Variants in SLC37A1 observed in about 807,000 individuals in gnomAD.
SLC37A1 encodes the protein solute carrier family 37 member 1, also known as glucose-6-phosphate exchanger SLC37A1.
A neutral mutation model predicts 75.3 loss-of-function variants in SLC37A1; 49 were observed. The ratio of observed to expected loss-of-function variants is 0.65; its 90% CI spans 0.52 to 0.83. SLC37A1 has a LOEUF of 0.83. Ranked by LOEUF, SLC37A1 falls within the 40% of genes least tolerant of loss-of-function variation. The probability of loss-of-function intolerance (pLI) is 0.00; values close to 1 mark genes in which losing one functional copy is unlikely to be tolerated. For missense variants in SLC37A1, 566 were observed against 695.0 expected, an observed-to-expected ratio of 0.81 and a Z score of 2.09; for synonymous variants, 268 against 292.1, an observed-to-expected ratio of 0.92 and a Z score of 0.84.
rs150486059 is a variant in SLC37A1, at chr21:42,548,838, C to T, written c.768+1698C>T. ...TCGGGCCTGGATCATCACTGGGTCC[C>T]GGCACCTGGGGCAGCACCTGGCCTC... On this transcript the variant is annotated intron_variant, in intron 9 of 19. Transcript: ENST00000352133. The surrounding 1 kb of genome is among the most constrained non-coding windows in gnomAD (Gnocchi z 5.6). Among the ~76,000 whole-genome samples, 9 of 152,286 alleles carry T rather than the reference C, an allele frequency of 5.9e-5. No homozygotes were observed. Among genetic ancestry groups the T allele is most frequent in the Non-Finnish European group, 1.2e-4 (8 of 68,032 alleles).
intron 11 of SLC37A1, among the ~76,000 whole-genome samples, chr21:42,559,524 C>T (rs2055773469): frequency 6.6e-6 from 1 of 152,238 alleles, no homozygotes; most frequent in African/African-American, 2.4e-5. Flanking sequence ...ATGGGAGGCG[C>T]TGGCACTGAG....
upstream of SLC37A1, among the ~76,000 whole-genome samples, chr21:42,513,088 A>G (rs1294141714): frequency 2.0e-5 from 3 of 152,152 alleles, no homozygotes; most frequent in East Asian, 5.8e-4. Flanking sequence ...CTCTTCCCCG[A>G]GGAGTGGGCT....
At chr21:42,572,695 T>TAAAAAAAAAAAAAAAA (rs1421400961) in intron 17 of SLC37A1, among the ~76,000 whole-genome samples, 11 of 132,326 alleles carry the variant, frequency 8.3e-5, no homozygotes, top group Non-Finnish European at 1.6e-4. Flanking sequence ...AAAAAAAGAG[T>TAAAAAAAAAAAAAAAA]GTGTCCTGAG....
chr21:42,575,335 A>G, intron 18 of SLC37A1: 2 of 985,498 alleles, frequency 2.0e-6, no homozygotes, highest in Non-Finnish European at 2.4e-6. Context: ...CCCAGTGGTC[A>G]TCAGTGTCCT....
At chr21:42,525,143 C>T (rs1216464342) in intron 2 of SLC37A1, among the ~76,000 whole-genome samples, 1 of 152,224 alleles carries the variant, frequency 6.6e-6, no homozygotes, top group African/African-American at 2.4e-5. Flanking sequence ...GCTCCGAGCT[C>T]CCTGCCCCAT....
intron 5 of SLC37A1, among the ~76,000 whole-genome samples, 153 bp downstream of exon 5, chr21:42,535,703 AGCTTAGG>A (rs2055120614): frequency 6.6e-6 from 1 of 152,190 alleles, no homozygotes; most frequent in South Asian, 2.1e-4. Context: ...GACGAGGCCA[AGCTTAGG>A]AGAGAGCAAG....
intron 19 of SLC37A1, 47 bp downstream of exon 19, chr21:42,579,847 A>T: frequency 6.3e-7 from 1 of 1,592,786 alleles, no homozygotes; most frequent in Non-Finnish European, 8.6e-7. Flanking sequence ...GCCGGCTCCA[A>T]AGTGCCTTCT....
At chr21:42,523,142 C>G (rs943872735) in intron 2 of SLC37A1, among the ~76,000 whole-genome samples, 1 of 152,240 alleles carries the variant, frequency 6.6e-6, no homozygotes, top group Non-Finnish European at 1.5e-5. Flanking sequence ...TCCTTCCTAG[C>G]TGGGTGATAA....
chr21:42,555,927 G>A (rs116553020), intron 10 of SLC37A1, among the ~76,000 whole-genome samples: 2,887 of 152,332 alleles, frequency 0.019, 95 homozygotes, highest in African/African-American at 0.066. Context: ...CTTGGGTCAG[G>A]GTAGGCGGGG....
intron 2 of SLC37A1, among the ~76,000 whole-genome samples, chr21:42,521,351 A>G (rs2146727940): frequency 6.6e-6 from 1 of 152,352 alleles, no homozygotes; most frequent in Middle Eastern, 3.4e-3. Context: ...AAAATAAAAA[A>G]GGATTTTGGG....
At chr21:42,501,151 A>G (rs1364698570) in intron 1 of SLC37A1, among the ~76,000 whole-genome samples, 1 of 152,252 alleles carries the variant, frequency 6.6e-6, no homozygotes, top group Non-Finnish European at 1.5e-5. Context: ...ACACAGGTTT[A>G]TCAAATTAAA....
At chr21:42,516,445 G>A (rs756731605) in intron 1 of SLC37A1, among the ~76,000 whole-genome samples, 1 of 152,176 alleles carries the variant, frequency 6.6e-6, no homozygotes, top group African/African-American at 2.4e-5. Context: ...GTCATGGTTC[G>A]TGCTTCCAGA....
chr21:42,529,906 C>T (rs1044408862), intron 3 of SLC37A1, among the ~76,000 whole-genome samples: 2 of 152,138 alleles, frequency 1.3e-5, no homozygotes, highest in Non-Finnish European at 2.9e-5. Context: ...CTTTTGGTGA[C>T]ACCCAGTGAA....
rs2054474055 is a variant in SLC37A1, at chr21:42,514,024, C to A, written c.-872C>A. The A allele has an allele frequency of 6.7e-6, 1 of 148,960 alleles. No individual in the cohort carries two copies. The highest frequency in any genetic ancestry group is 1.5e-5 in the Non-Finnish European group (1 of 66,990). The allele number at this position is 148,960 out of a possible 1,614,324, so 9.2% of individuals were successfully genotyped here. A position where few individuals can be genotyped will look rare whatever the true frequency, so the allele number is the denominator to read the frequency against. On this transcript the variant is annotated 5_prime_UTR_variant, in exon 1 of 20. Coordinates refer to ENST00000352133, the MANE Select transcript of SLC37A1 (RefSeq NM_001320537.2). This position sits in a 1 kb window ranked among gnomAD's most constrained non-coding sequence, Gnocchi z 4.8. The stretch of plus-strand genomic sequence containing the variant: ...GCGCTCAGGCGCCGCAGCCGCTCAG[C>A]ACCTGCGGCGCCCTCAGGGAGCCGG...
chr21:42,544,929 A>G (rs907640510), intron 8 of SLC37A1, among the ~76,000 whole-genome samples: 3 of 152,098 alleles, frequency 2.0e-5, no homozygotes, highest in Non-Finnish European at 1.5e-5. Context: ...GGTAGAGTCC[A>G]TGGGGTCTTC....
chr21:42,568,320 CT>C (rs751520369), intron 16 of SLC37A1, 39 bp from the exon 17 acceptor site: 2 of 1,527,798 alleles, frequency 1.3e-6, no homozygotes, highest in Non-Finnish European at 1.8e-6. Flanking sequence ...ACTTCTCATG[CT>C]GTGGCGATAA....
At chr21:42,560,109 A>G (rs1161092271) in intron 11 of SLC37A1, among the ~76,000 whole-genome samples, 1 of 152,156 alleles carries the variant, frequency 6.6e-6, no homozygotes, top group Non-Finnish European at 1.5e-5. Context: ...AGTATCGGGA[A>G]CAAGGTGACT....
intron 2 of SLC37A1, among the ~76,000 whole-genome samples, chr21:42,523,289 T>C (rs539486039): frequency 1.3e-5 from 2 of 152,154 alleles, no homozygotes; most frequent in African/African-American, 4.8e-5. Context: ...TTGAGGAGAT[T>C]GGAGAAGGAA....
At chr21:42,569,746 G>A (rs1157352927) in intron 17 of SLC37A1, among the ~76,000 whole-genome samples, 5 of 152,224 alleles carry the variant, frequency 3.3e-5, no homozygotes, top group African/African-American at 1.2e-4. Flanking sequence ...TCTGTCTCCT[G>A]CCACTGGAAC....
Sources: allele counts gnomAD v4.1 joint callset (sites outside exome capture counted in the v4.1 genomes callset), GRCh38; gene constraint gnomAD v4.1.1; non-coding constraint Gnocchi (gnomAD v3.1); transcripts MANE v1.5; gene names NCBI Gene and HGNC (gene_info 2026-07-23, HGNC 2026-07-21).